BICC1: variants seen among roughly 807,000 people sequenced by gnomAD.
The protein encoded by BICC1 is protein bicaudal C homolog 1.
BICC1 carries 43 observed loss-of-function variants against 111.0 expected under a neutral mutation model. The observed-to-expected ratio is 0.39, with a 90% confidence interval of 0.30 to 0.50. The LOEUF (loss-of-function observed/expected upper bound fraction) is 0.50, where lower values mean the gene tolerates loss of function less well. BICC1 is among the 20% of genes least tolerant of loss of function. The pLI is 0.88. For synonymous variants in BICC1, 467 were observed against 434.4 expected (o/e 1.07, Z -0.93); for missense variants, 1,091 against 1,203.2 (o/e 0.91, Z 1.38).
intron 1 of BICC1, among the ~76,000 whole-genome samples, chr10:58,550,372 T>C (rs977035701): frequency 3.3e-5 from 5 of 152,200 alleles, no homozygotes; most frequent in Non-Finnish European, 5.9e-5. Context: ...AAATATTTTC[T>C]CCGAATCTTT....
intron 2 of BICC1, among the ~76,000 whole-genome samples, chr10:58,699,494 T>A (rs1840165005): frequency 2.6e-5 from 4 of 152,238 alleles, no homozygotes; most frequent in Admixed American, 2.6e-4. Flanking sequence ...ACTAATGATT[T>A]AAGATTTCAG....
chr10:58,680,022 A>G (rs562550751), intron 2 of BICC1, among the ~76,000 whole-genome samples: 1 of 152,348 alleles, frequency 6.6e-6, no homozygotes, highest in South Asian at 2.1e-4. Flanking sequence ...TAAACTAGGT[A>G]TAGATGGAAC....
chr10:58,526,744 C>G (rs1842553913), intron 1 of BICC1, among the ~76,000 whole-genome samples: 1 of 152,050 alleles, frequency 6.6e-6, no homozygotes, highest in Admixed American at 6.6e-5. Context: ...CATGCCCTAC[C>G]AAGGACATGA....
intron 1 of BICC1, among the ~76,000 whole-genome samples, chr10:58,558,132 A>G (rs964540112): frequency 6.6e-6 from 1 of 152,130 alleles, no homozygotes; most frequent in Non-Finnish European, 1.5e-5. Flanking sequence ...TACTCTGACC[A>G]TTGTGAACAG....
chr10:58,642,238 A>G (rs1004556186), intron 2 of BICC1, among the ~76,000 whole-genome samples: 10 of 152,182 alleles, frequency 6.6e-5, no homozygotes, highest in Non-Finnish European at 1.3e-4. Context: ...TTTCGGGGTG[A>G]ATGAAAATGA....
Position 58,765,791 on chromosome 10 carries a change from A to G in BICC1, c.308-19210A>G, listed in dbSNP as rs1026934809. 3.3e-5 allele frequency among the ~76,000 whole-genome samples: 5 copies of G among 152,298 alleles called. No individual in the cohort carries two copies. The South Asian group carries it at 6.2e-4, about 19-fold the overall frequency. ...CTCTGGTGCTCTGCACTTACTAATA[A>G]TCATGTCAAAAAAGCTGATGCCAAT... On this transcript the variant is annotated intron_variant, in intron 3 of 20. Coordinates refer to ENST00000373886, the MANE Select transcript of BICC1 (RefSeq NM_001080512.3).
chr10:58,742,949 A>C (rs1025822356), intron 3 of BICC1, among the ~76,000 whole-genome samples: 1 of 152,160 alleles, frequency 6.6e-6, no homozygotes, highest in Non-Finnish European at 1.5e-5. Context: ...TATCCTGGAG[A>C]AGTGATGCAG....
intron 3 of BICC1, among the ~76,000 whole-genome samples, chr10:58,757,693 C>G (rs569671120): frequency 6.6e-6 from 1 of 152,276 alleles, no homozygotes; most frequent in South Asian, 2.1e-4. Flanking sequence ...GTCAGCCACT[C>G]TCAAGATATT....
At chr10:58,820,790 A>C (rs1387296904) in intron 20 of BICC1, among the ~76,000 whole-genome samples, 1 of 152,196 alleles carries the variant, frequency 6.6e-6, no homozygotes, top group Non-Finnish European at 1.5e-5. Context: ...TGTGTTAAAC[A>C]GTAATCATTA....
intron 2 of BICC1, among the ~76,000 whole-genome samples, chr10:58,678,348 G>A (rs1225622451): frequency 6.6e-6 from 1 of 152,110 alleles, no homozygotes; most frequent in Non-Finnish European, 1.5e-5. Flanking sequence ...AGGGATGGAG[G>A]AAGTTTTATC....
intron 1 of BICC1, among the ~76,000 whole-genome samples, chr10:58,596,824 T>C (rs935922852): frequency 2.0e-5 from 3 of 151,988 alleles, no homozygotes; most frequent in African/African-American, 4.8e-5. Flanking sequence ...GAGAGTAAAA[T>C]ACCTAGGAAT....
At chr10:58,680,767 A>G (rs1564549650) in intron 2 of BICC1, among the ~76,000 whole-genome samples, 1 of 152,240 alleles carries the variant, frequency 6.6e-6, no homozygotes, top group Non-Finnish European at 1.5e-5. Context: ...ACCTGACTTC[A>G]AACTATACTA....
intron 12 of BICC1, among the ~76,000 whole-genome samples, chr10:58,799,705 A>G (rs74763457): frequency 6.6e-6 from 1 of 150,986 alleles, no homozygotes; most frequent in South Asian, 2.1e-4. Context: ...CTTGGTCTAT[A>G]TTTCTATTTT....
intron 2 of BICC1, among the ~76,000 whole-genome samples, chr10:58,666,295 G>T (rs544856421): frequency 2.0e-5 from 3 of 152,332 alleles, no homozygotes; most frequent in Admixed American, 6.5e-5. Context: ...AGTGGTTGAA[G>T]TAGGCCACTG....
intron 14 of BICC1, among the ~76,000 whole-genome samples, chr10:58,801,511 T>C (rs757293133): frequency 3.3e-5 from 5 of 152,182 alleles, no homozygotes; most frequent in Admixed American, 6.5e-5. Flanking sequence ...CCAAATCACT[T>C]TGGTTATAAA....
intron 2 of BICC1, among the ~76,000 whole-genome samples, chr10:58,679,270 A>G (rs1204537833): frequency 6.6e-6 from 1 of 152,240 alleles, no homozygotes; most frequent in Non-Finnish European, 1.5e-5. Context: ...AAAGATCAAC[A>G]AAATAGATAG....
chr10:58,693,491 T>C (rs1232229651), intron 2 of BICC1, among the ~76,000 whole-genome samples: 1 of 152,208 alleles, frequency 6.6e-6, no homozygotes, highest in Non-Finnish European at 1.5e-5. Context: ...AGTAAAAGTG[T>C]TCCTATTTCT....
chr10:58,525,276 T>G (rs11006174), intron 1 of BICC1, among the ~76,000 whole-genome samples: 1 of 99,420 alleles, frequency 1.0e-5, no homozygotes, highest in Admixed American at 1.3e-4. Flanking sequence ...ATGTTTATTG[T>G]GGCACTATTC....
At chr10:58,557,112 T>A (rs1843470402) in intron 1 of BICC1, among the ~76,000 whole-genome samples, 1 of 152,172 alleles carries the variant, frequency 6.6e-6, no homozygotes, top group African/African-American at 2.4e-5. Context: ...ATTCTCATTT[T>A]GCCTTTATTT....
Sources: allele counts gnomAD v4.1 joint callset (sites outside exome capture counted in the v4.1 genomes callset), GRCh38; gene constraint gnomAD v4.1.1; transcripts MANE v1.5; gene names NCBI Gene and HGNC (gene_info 2026-07-23, HGNC 2026-07-21).